Variants in DUSP19 observed in about 807,000 individuals in gnomAD.
DUSP19 encodes dual specificity protein phosphatase 19.
Under a neutral mutation model 16.6 loss-of-function variants are expected in DUSP19, and 14 were observed. That is an observed-to-expected ratio of 0.84 (90% confidence interval 0.56 to 1.32). The LOEUF (loss-of-function observed/expected upper bound fraction) is 1.32. DUSP19 is among the 40% of genes most tolerant of loss of function. DUSP19 has a pLI of 0.00. For synonymous variants in DUSP19, 81 were observed against 90.5 expected (o/e 0.90, Z 0.59); for missense variants, 258 against 255.9 (o/e 1.01, Z -0.06).
intron 3 of DUSP19, among the ~76,000 whole-genome samples, chr2:183,091,409 C>G (rs1020186951): frequency 6.6e-6 from 1 of 152,106 alleles, no homozygotes; most frequent in African/African-American, 2.4e-5. Flanking sequence ...TCCACAGTGT[C>G]GGAGCAGGTC....
chr2:183,086,248 A>C (rs899066892), intron 2 of DUSP19, among the ~76,000 whole-genome samples: 1 of 152,116 alleles, frequency 6.6e-6, no homozygotes, highest in Non-Finnish European at 1.5e-5. Flanking sequence ...CCATTTTATA[A>C]AGTAAAGAAT....
At chr2:183,082,503 A>G (rs1699605697) in intron 1 of DUSP19, among the ~76,000 whole-genome samples, 1 of 145,550 alleles carries the variant, frequency 6.9e-6, no homozygotes, top group Non-Finnish European at 1.5e-5. Context: ...GGCTCACTGC[A>G]ACCTCTGCCT....
rs1699792900 is a variant in DUSP19, at chr2:183,095,753, CT to C, written c.*101del. On this transcript the variant is annotated 3_prime_UTR_variant, in exon 4 of 4. Coordinates refer to ENST00000354221, the MANE Select transcript of DUSP19 (RefSeq NM_080876.4). ...TTGGAGAGTAGACTAGCAAAACTCC[CT>C]TTTTTCTCTTGCCTTTTTTATGCAT... 2 of 903,034 alleles carry C rather than the reference CT, an allele frequency of 2.2e-6. No homozygotes were observed. The highest frequency in any genetic ancestry group is 3.3e-6 in the Non-Finnish European group (2 of 609,106). The allele number at this position is 903,034 out of a possible 1,614,324, so 55.9% of individuals were successfully genotyped here. A position where few individuals can be genotyped will look rare whatever the true frequency, so the allele number is the denominator to read the frequency against.
At chr2:183,090,122 A>G (rs941435613) in intron 3 of DUSP19, among the ~76,000 whole-genome samples, 4 of 152,028 alleles carry the variant, frequency 2.6e-5, no homozygotes, top group Non-Finnish European at 4.4e-5. Flanking sequence ...AATTTTTTTC[A>G]TTTTTTTTAA....
chr2:183,093,601 A>C (rs1463192582), intron 3 of DUSP19, among the ~76,000 whole-genome samples: 2 of 152,250 alleles, frequency 1.3e-5, no homozygotes, highest in African/African-American at 4.8e-5. Context: ...TATGATACCT[A>C]AGGAATAATC....
intron 1 of DUSP19, among the ~76,000 whole-genome samples, chr2:183,082,050 G>A (rs1699598584): frequency 6.6e-6 from 1 of 152,202 alleles, no homozygotes; most frequent in Admixed American, 6.5e-5. Context: ...GAAGCCGGCT[G>A]TGACAGAAAG....
rs141691725 is a variant in DUSP19, at chr2:183,078,779, G to T, written c.-155G>T. The T allele has an allele frequency of 1.9e-4, 124 of 645,376 alleles. No homozygotes were observed. In the African/African-American group the frequency reaches 2.1e-3, roughly 11 times the overall value. The allele number at this position is 645,376 out of a possible 1,614,324, so 40.0% of individuals were successfully genotyped here. A position where few individuals can be genotyped will look rare whatever the true frequency, so the allele number is the denominator to read the frequency against. ...ATCGCTGGGATAAACGGAGCTGGAC[G>T]ACTCAGTCTCTTGGTCTGTGGCTGC... On this transcript the variant is annotated 5_prime_UTR_variant, in exon 1 of 4. Coordinates refer to ENST00000354221, the MANE Select transcript of DUSP19 (RefSeq NM_080876.4).
Position 183,098,730 on chromosome 2 carries a change from A to G in DUSP19, c.*3072A>G, listed in dbSNP as rs1699835980. ...AAGCTGAGTAGAACAAAGGCAGTGG[A>G]GCATACAATACAATTCTATTTATTT... On this transcript the variant is annotated 3_prime_UTR_variant, in exon 4 of 4. Transcript: ENST00000354221. The G allele has an allele frequency of 2.0e-5, 3 of 152,218 alleles. No individual in the cohort carries two copies. The highest frequency in any genetic ancestry group is 7.2e-5 in the African/African-American group (3 of 41,456). The allele number at this position is 152,218 out of a possible 1,614,324, so 9.4% of individuals were successfully genotyped here.
At position 183,079,042 on chromosome 2, in the gene DUSP19, G is replaced by C. The variant is rs1421249413; in HGVS notation, c.109G>C (p.Asp37His). 1.2e-6 allele frequency: 2 copies of C among 1,614,172 alleles called. No individual in the cohort carries two copies. The highest frequency in any genetic ancestry group is 3.3e-5 in the Admixed American group (2 of 60,008). Reference sequence around the variant, plus strand: ...AAAGAAAATTATAGAAACATGGAAAGATGCCAGAATTCATGTTGTGGAAGA... The same window carrying C: ...AAAGAAAATTATAGAAACATGGAAACATGCCAGAATTCATGTTGTGGAAGA... ...TGKKIIETWKDARIHVVEEVE... is the reference protein window; with the variant it reads ...TGKKIIETWKHARIHVVEEVE... The change falls in exon 1 of 4, where the codon GAT becomes CAT. Residue 37 changes from aspartate (D) to histidine (H), a missense_variant. By Grantham distance (81) the Asp-to-His change is moderately conservative. Coordinates refer to ENST00000354221, the MANE Select transcript of DUSP19 (RefSeq NM_080876.4).
rs34201127 is a variant in DUSP19 at position 183,097,028 on chromosome 2, CT to C, written c.*1384del. 1.6e-3 allele frequency: 215 copies of C among 134,308 alleles called. 1 individual carries two copies. Among genetic ancestry groups the C allele is most frequent in the African/African-American group, 1.5e-3 (57 of 36,900 alleles). 8.3% of individuals were successfully genotyped at this position (134,308 alleles called of 1,614,324 possible). On this transcript the variant is annotated 3_prime_UTR_variant, in exon 4 of 4. Coordinates refer to ENST00000354221, the MANE Select transcript of DUSP19 (RefSeq NM_080876.4). Reference sequence around the variant, plus strand: ...ATTAAGACAGTTTCTTTTTTCTTTTCTTTTTTTTTTTTTTCGAGACAGGGTC... The same window carrying C: ...ATTAAGACAGTTTCTTTTTTCTTTTCTTTTTTTTTTTTTCGAGACAGGGTC...
Position 183,095,486 on chromosome 2 carries a change from T to TA in DUSP19, c.484dup (p.Ile162AsnfsTer8). ...GGCGTTTCCAGGGCTGCTGCAATTG[T>TA]AATAGGTTTCCTGATGAATTCTGAA... On this transcript the variant is annotated frameshift_variant, in exon 4 of 4. Coordinates refer to ENST00000354221, the MANE Select transcript of DUSP19 (RefSeq NM_080876.4). LOFTEE classifies it high-confidence loss of function. 2 of 1,614,004 alleles carry TA rather than the reference T, an allele frequency of 1.2e-6. No homozygotes were observed. The highest frequency in any genetic ancestry group is 1.7e-6 in the Non-Finnish European group (2 of 1,179,968).
chr2:183,084,301 C>A (rs1699632693), intron 2 of DUSP19, among the ~76,000 whole-genome samples: 1 of 151,932 alleles, frequency 6.6e-6, no homozygotes, highest in South Asian at 2.1e-4. Flanking sequence ...GAGTAGACAG[C>A]CTGTAATCCC....
intron 3 of DUSP19, among the ~76,000 whole-genome samples, chr2:183,088,803 A>G (rs1244894547): frequency 6.6e-6 from 1 of 152,156 alleles, no homozygotes; most frequent in Non-Finnish European, 1.5e-5. Flanking sequence ...CTGGATTGTA[A>G]CATTCCAGTG....
At position 183,099,747 on chromosome 2, in the gene DUSP19, T is replaced by A. The variant is rs1312648915; in HGVS notation, c.*4089T>A. On this transcript the variant is annotated 3_prime_UTR_variant, in exon 4 of 4. Transcript: ENST00000354221. Reference sequence around the variant, plus strand: ...CAGGCGCAGTGGCTCATGCCTGTAATCCCAACATTTTGGGAGGCCAAGGAG... The same window carrying A: ...CAGGCGCAGTGGCTCATGCCTGTAAACCCAACATTTTGGGAGGCCAAGGAG... 6.6e-6 allele frequency: 1 copy of A among 152,194 alleles called. No individual in the cohort carries two copies. Among genetic ancestry groups the A allele is most frequent in the East Asian group, 1.9e-4 (1 of 5,182 alleles). The allele number at this position is 152,194 out of a possible 1,614,324, so 9.4% of individuals were successfully genotyped here.
chr2:183,086,833 TAA>T (rs1699668672), intron 2 of DUSP19, among the ~76,000 whole-genome samples: 1 of 148,118 alleles, frequency 6.8e-6, no homozygotes, highest in Admixed American at 6.8e-5. Context: ...TGCATGATGA[TAA>T]TAATAAGTTA....
At chr2:183,094,585 T>C (rs1475450241) in intron 3 of DUSP19, among the ~76,000 whole-genome samples, 3 of 152,204 alleles carry the variant, frequency 2.0e-5, no homozygotes, top group African/African-American at 7.2e-5. Flanking sequence ...CCCATCAGCA[T>C]TGGTCTTGCA....
intron 1 of DUSP19, among the ~76,000 whole-genome samples, chr2:183,082,860 C>G (rs976599100): frequency 2.8e-5 from 4 of 143,854 alleles, no homozygotes; most frequent in African/African-American, 1.0e-4. Context: ...CTCCCTCCCT[C>G]CCTCTCTCTT....
chr2:183,088,253 G>T (rs936621636), intron 3 of DUSP19, among the ~76,000 whole-genome samples: 4 of 152,126 alleles, frequency 2.6e-5, no homozygotes, highest in Non-Finnish European at 5.9e-5. Flanking sequence ...TTCTAGGTTT[G>T]TGTGAGTGCA....
chr2:183,085,946 A>G (rs965080963), intron 2 of DUSP19, among the ~76,000 whole-genome samples: 5 of 133,358 alleles, frequency 3.7e-5, no homozygotes, highest in African/African-American at 1.5e-4. Flanking sequence ...GCTCACTGCA[A>G]CCTTTACCTC....
Sources: gnomAD v4.1 joint callset for allele counts (sites outside exome capture counted in the v4.1 genomes callset) on GRCh38, gnomAD v4.1.1 for gene constraint, MANE v1.5 for transcripts, NCBI Gene and HGNC (gene_info 2026-07-23, HGNC 2026-07-21) for gene names.